Variants in RIMBP2 observed in about 807,000 individuals in gnomAD.
The protein encoded by RIMBP2 is RIMS binding protein 2.
A neutral mutation model predicts 118.6 loss-of-function variants in RIMBP2; 48 were observed. That is an observed-to-expected ratio of 0.40 (90% CI 0.32 to 0.51). The LOEUF is 0.51. Among genes scored for constraint, RIMBP2 ranks in the 20% least tolerant of loss-of-function variants. The pLI is 0.41. For synonymous variants in RIMBP2, 762 were observed against 742.9 expected (o/e 1.03, Z -0.42); for missense variants, 1,551 against 1,768.3 (o/e 0.88, Z 2.20).
At chr12:130,708,111 G>A (rs1292962254) in intron 1 of RIMBP2, among the ~76,000 whole-genome samples, 1 of 152,184 alleles carries the variant, frequency 6.6e-6, no homozygotes, top group East Asian at 1.9e-4. Flanking sequence ...TGAGGATGCT[G>A]TGCTGAGGGA....
chr12:130,685,214 G>T (rs974231347), intron 1 of RIMBP2, among the ~76,000 whole-genome samples: 3 of 152,132 alleles, frequency 2.0e-5, no homozygotes, highest in African/African-American at 7.2e-5. Context: ...TTACAGTAAT[G>T]ATAGGATTAA....
rs1168887095 is a variant in RIMBP2, at chr12:130,442,668, G to T, written c.692-8C>A. 1 of 1,609,900 alleles carries T rather than the reference G, an allele frequency of 6.2e-7. No individual in the cohort carries two copies. The highest frequency in any genetic ancestry group is 1.7e-5 in the Admixed American group (1 of 59,882). ...GGCCATCGAGGAGCTCTCCTGTTGG[G>T]TACAAGGACAGAGTTATCACCCAGC... On this transcript the variant is annotated splice_region_variant and splice_polypyrimidine_tract_variant and intron_variant, in intron 10 of 22. Transcript: ENST00000690449. The surrounding 1 kb of genome is among the most constrained non-coding windows in gnomAD (Gnocchi z 6.9).
chr12:130,505,355 G>A (rs1033643626), intron 4 of RIMBP2, among the ~76,000 whole-genome samples: 12 of 152,034 alleles, frequency 7.9e-5, no homozygotes, highest in African/African-American at 2.7e-4. Context: ...AGTGCCCCAT[G>A]GTTTTGGCAC....
chr12:130,678,194 C>A (rs1270193495), intron 1 of RIMBP2, among the ~76,000 whole-genome samples: 1 of 152,236 alleles, frequency 6.6e-6, no homozygotes, highest in African/African-American at 2.4e-5. Flanking sequence ...CACAGGCCTC[C>A]TGAGAGCAGA....
At chr12:130,677,088 G>T (rs916341224) in intron 1 of RIMBP2, among the ~76,000 whole-genome samples, 4 of 152,152 alleles carry the variant, frequency 2.6e-5, no homozygotes, top group African/African-American at 9.7e-5. Context: ...GTGCCCAGGG[G>T]ACAGCAGGTG....
At chr12:130,398,889 G>C (rs1367604272) in intron 22 of RIMBP2, 2 of 275,576 alleles carry the variant, frequency 7.3e-6, no homozygotes, top group African/African-American at 4.4e-5. Flanking sequence ...AATGCAAATA[G>C]TAGGAAATGA....
In RIMBP2 at chr12:130,437,149, G is replaced by C. The variant is rs1273992295; in HGVS notation, c.1799C>G (p.Pro600Arg). The C allele has an allele frequency of 4.4e-6, 7 of 1,588,182 alleles. No homozygotes were observed. Among genetic ancestry groups the C allele is most frequent in the Non-Finnish European group, 5.1e-6 (6 of 1,166,804 alleles). The change falls in exon 13 of 23, where the codon CCC (proline) becomes CGC (arginine). Residue 600 changes from proline to arginine, a missense_variant. By Grantham distance (103) the Pro-to-Arg change is moderately radical (BLOSUM62 -2). Around this residue, in one of 5 missense-constraint regions of RIMBP2, gnomAD observed 1,038 missense variants for 1,125.1 expected, o/e 0.92. Coordinates refer to ENST00000690449, the MANE Select transcript of RIMBP2 (RefSeq NM_001393629.1). ...GGGGGTAGGAGGCACCAGGAGCTCG[G>C]GGGGAACGGCAGCAACTGCAGAGTC... ...SVDSAVAAVP[P>R]ELLVPPTPHP...
intron 1 of RIMBP2, among the ~76,000 whole-genome samples, chr12:130,655,229 G>A (rs886080765): frequency 2.0e-5 from 3 of 152,164 alleles, no homozygotes; most frequent in African/African-American, 4.8e-5. Flanking sequence ...GTGTAACATC[G>A]CCCCACCCTG....
rs138056381 is a variant in RIMBP2, at chr12:130,576,947, C to T, written c.-217+51375G>A. Among the ~76,000 whole-genome samples the T allele has an allele frequency of 3.0e-4, 46 of 152,248 alleles. No homozygotes were observed. Among genetic ancestry groups the T allele is most frequent in the Non-Finnish European group, 5.4e-4 (37 of 68,028 alleles). On this transcript the variant is annotated intron_variant, in intron 2 of 22. Coordinates refer to ENST00000690449, the MANE Select transcript of RIMBP2 (RefSeq NM_001393629.1). The surrounding 1 kb of genome is among the most constrained non-coding windows in gnomAD (Gnocchi z 4.2). ...GGACAGAGATGGGGACAAAGAGAAG[C>T]GAAGGGGATGGCCCAGACCTTCACA...
At chr12:130,433,966 G>A (rs1420191158) in intron 14 of RIMBP2, among the ~76,000 whole-genome samples, 3 of 152,218 alleles carry the variant, frequency 2.0e-5, no homozygotes, top group Non-Finnish European at 4.4e-5. Context: ...AGAACGTCAT[G>A]GCCGGAGGAG....
At position 130,456,609 on chromosome 12, in the gene RIMBP2, G is replaced by C. The variant is rs772266661; in HGVS notation, c.245C>G (p.Ala82Gly). The stretch of plus-strand genomic sequence containing the variant: ...GCCACCCAGCAGGTCAATCTTGCCA[G>C]CGTGCTGCCGGAACTTCTCCAGGTC... ...SRDLEKFRQH[A>G]GKIDLLGGSA... is the part of the protein sequence containing the mutation. Residue 82 changes from alanine to glycine, a missense_variant, in exon 7 of 23, where the codon GCT becomes GGT. Transcript: ENST00000690449. 2.5e-6 allele frequency: 4 copies of C among 1,613,736 alleles called. No homozygotes were observed. In the Admixed American group the frequency reaches 5.0e-5, roughly 20 times the overall value.
At chr12:130,530,466 G>T (rs2053250327) in intron 2 of RIMBP2, among the ~76,000 whole-genome samples, 1 of 149,800 alleles carries the variant, frequency 6.7e-6, no homozygotes, top group African/African-American at 2.5e-5. Context: ...ATACAATAAG[G>T]CAGCTAAGAA....
At chr12:130,627,932 A>G (rs1594096021) in intron 2 of RIMBP2, among the ~76,000 whole-genome samples, 2 of 152,230 alleles carry the variant, frequency 1.3e-5, no homozygotes, top group South Asian at 2.1e-4. Context: ...TAAAAATTGG[A>G]TCATGTCACT....
intron 2 of RIMBP2, among the ~76,000 whole-genome samples, chr12:130,558,004 T>C (rs1471950438): frequency 6.6e-6 from 1 of 152,022 alleles, no homozygotes; most frequent in Non-Finnish European, 1.5e-5. Context: ...CAGAAGGAAA[T>C]AAACAAGCAA....
chr12:130,690,420 C>T (rs1009352664), intron 1 of RIMBP2, among the ~76,000 whole-genome samples: 2 of 152,176 alleles, frequency 1.3e-5, no homozygotes, highest in African/African-American at 2.4e-5. Context: ...GCTTGAACAG[C>T]GGTTTTGCCA....
intron 2 of RIMBP2, among the ~76,000 whole-genome samples, chr12:130,550,014 A>G (rs2055581674): frequency 6.6e-6 from 1 of 152,174 alleles, no homozygotes; most frequent in Non-Finnish European, 1.5e-5. Flanking sequence ...TCTGTCCAGC[A>G]TCTGTTACTT....
In RIMBP2 at chr12:130,446,931, A is replaced by G. The variant is rs1281674465; in HGVS notation, c.582-1662T>C. On this transcript the variant is annotated intron_variant, in intron 9 of 22. Coordinates refer to ENST00000690449, the MANE Select transcript of RIMBP2 (RefSeq NM_001393629.1). The surrounding 1 kb of genome is among the most constrained non-coding windows in gnomAD (Gnocchi z 4.1). ...GCCTGGCTGCAGGGATGAGGGACTGAGGTGCAGGAGGACCCTCGGCTTTCT... is the reference window on the plus strand; with the variant it reads ...GCCTGGCTGCAGGGATGAGGGACTGGGGTGCAGGAGGACCCTCGGCTTTCT... Among the ~76,000 whole-genome samples the G allele has an allele frequency of 2.1e-5, 3 of 144,778 alleles. No homozygotes were observed. The highest frequency in any genetic ancestry group is 3.0e-5 in the Non-Finnish European group (2 of 67,220). 95.0% of individuals were successfully genotyped at this position (144,778 alleles called of 152,430 possible). A position where few individuals can be genotyped will look rare whatever the true frequency, so the allele number is the denominator to read the frequency against.
chr12:130,618,024 T>TTTACCAAAAAA lies in RIMBP2; in HGVS notation c.-217+10297_-217+10298insTTTTTTGGTAA, dbSNP rs71088771. ...CTGGGCAACATAGAAAGACCTCTTC[T>TTTACCAAAAAA]AAAAAAAAAAAGTAAAAAAGGGGAA... On this transcript the variant is annotated intron_variant, in intron 2 of 22. Transcript: ENST00000690449. Among the ~76,000 whole-genome samples, 28 of 65,822 alleles carry TTTACCAAAAAA rather than the reference T, an allele frequency of 4.3e-4. 8 individuals carry two copies. The highest frequency in any genetic ancestry group is 2.0e-3 in the East Asian group (5 of 2,450). The allele number at this position is 65,822 out of a possible 152,430, so 43.2% of individuals were successfully genotyped here.
At chr12:130,493,703 TATTTAA>T (rs939280807) in intron 4 of RIMBP2, among the ~76,000 whole-genome samples, 1 of 152,182 alleles carries the variant, frequency 6.6e-6, no homozygotes, top group African/African-American at 2.4e-5. Flanking sequence ...TCAATATACA[TATTTAA>T]ATTTAAACAA....
Sources: gnomAD v4.1 joint callset for allele counts (sites outside exome capture counted in the v4.1 genomes callset) on GRCh38, gnomAD v4.1.1 for gene constraint, gnomAD v4.1.1 regional missense constraint, Gnocchi (gnomAD v3.1) non-coding constraint, MANE v1.5 for transcripts, NCBI Gene and HGNC (gene_info 2026-07-23, HGNC 2026-07-21) for gene names.